KIF13A: variants seen among roughly 807,000 people sequenced by gnomAD.
KIF13A encodes the protein kinesin-like protein KIF13A.
In KIF13A, 79 loss-of-function variants were observed where a neutral mutation model predicts 212.2. The observed-to-expected ratio is 0.37, with a 90% CI of 0.31 to 0.45. The LOEUF is 0.45. Ranked by LOEUF, KIF13A falls within the 20% of genes least tolerant of loss-of-function variation. The pLI, the probability that KIF13A is intolerant of heterozygous loss-of-function variation, is 1.00. For synonymous variants in KIF13A, 789 were observed against 808.6 expected (o/e 0.98, Z 0.41); for missense variants, 1,901 against 2,209.0 (o/e 0.86, Z 2.79).
rs559923230 is a variant in KIF13A at position 17,963,835 on chromosome 6, G to A, written c.146+23219C>T. Among the ~76,000 whole-genome samples the A allele has an allele frequency of 1.1e-4, 16 of 152,302 alleles. No individual in the cohort carries two copies. Among genetic ancestry groups the A allele is most frequent in the African/African-American group, 3.8e-4 (16 of 41,564 alleles). Reference sequence around the variant, plus strand: ...CTCCCAAAGTGTTGGGATTACGGGCGTGAGCCACCATGCCTGGCCAATATG... The same window carrying A: ...CTCCCAAAGTGTTGGGATTACGGGCATGAGCCACCATGCCTGGCCAATATG... On this transcript the variant is annotated intron_variant, in intron 2 of 38. Coordinates refer to ENST00000259711, the MANE Select transcript of KIF13A (RefSeq NM_022113.6). This position sits in a 1 kb window ranked among gnomAD's most constrained non-coding sequence, Gnocchi z 4.1.
chr6:17,782,480 A>G (rs560478907), intron 29 of KIF13A, among the ~76,000 whole-genome samples: 1 of 152,016 alleles, frequency 6.6e-6, no homozygotes, highest in East Asian at 2.0e-4. Context: ...TATTAAAAAT[A>G]CAAAAATTGG....
intron 9 of KIF13A, among the ~76,000 whole-genome samples, chr6:17,841,175 C>G (rs1212039443): frequency 6.6e-6 from 1 of 151,378 alleles, no homozygotes; most frequent in Non-Finnish European, 1.5e-5. Flanking sequence ...CAGGCTCAAG[C>G]GATCCTCTTA....
At chr6:17,881,582 A>C (rs1444327347) in intron 3 of KIF13A, 1 of 377,172 alleles carries the variant, frequency 2.7e-6, no homozygotes, top group Non-Finnish European at 5.2e-6. Context: ...CTGTAATCCC[A>C]GCTACTCGGA....
chr6:17,910,936 T>C (rs890098190), intron 2 of KIF13A, among the ~76,000 whole-genome samples: 2 of 152,214 alleles, frequency 1.3e-5, no homozygotes, highest in African/African-American at 4.8e-5. Context: ...CTAATGTTTT[T>C]GTATTTTTAG....
intron 2 of KIF13A, among the ~76,000 whole-genome samples, chr6:17,910,812 G>C (rs570909850): frequency 6.6e-6 from 1 of 152,336 alleles, no homozygotes; most frequent in South Asian, 2.1e-4. Context: ...GCCCAGGCTG[G>C]AGTGCAGTGG....
intron 2 of KIF13A, among the ~76,000 whole-genome samples, chr6:17,911,697 TAA>T (rs34367781): frequency 7.5e-4 from 101 of 135,146 alleles, no homozygotes; most frequent in East Asian, 4.0e-3. Context: ...GTTAATGGGT[TAA>T]AAAAAAAAAA....
chr6:17,964,686 A>G (rs1241370125), intron 2 of KIF13A, among the ~76,000 whole-genome samples: 1 of 152,160 alleles, frequency 6.6e-6, no homozygotes, highest in Non-Finnish European at 1.5e-5. Flanking sequence ...TTGAAATAAC[A>G]TAGACAATTG....
chr6:17,921,582 T>C (rs1339266132), intron 2 of KIF13A, among the ~76,000 whole-genome samples: 2 of 152,196 alleles, frequency 1.3e-5, no homozygotes, highest in Non-Finnish European at 2.9e-5. Flanking sequence ...TTGGGGTATT[T>C]TAAAATGAGA....
In KIF13A at chr6:17,776,648, A is replaced by G. The variant is rs1760006679; in HGVS notation, c.4170+629T>C. Among the ~76,000 whole-genome samples the G allele has an allele frequency of 6.6e-6, 1 of 152,228 alleles. No homozygotes were observed. The highest frequency in any genetic ancestry group is 1.5e-5 in the Non-Finnish European group (1 of 68,044). On this transcript the variant is annotated intron_variant, in intron 34 of 38. Transcript: ENST00000259711. This position sits in a 1 kb window ranked among gnomAD's most constrained non-coding sequence, Gnocchi z 4.6. ...TGGCAATTCTAGAGAACAGGAAGGCAAATAAGCCTGTGTTTTTCCTTGGAA... is the reference window on the plus strand; with the variant it reads ...TGGCAATTCTAGAGAACAGGAAGGCGAATAAGCCTGTGTTTTTCCTTGGAA...
In KIF13A at chr6:17,825,677, C is replaced by A; in HGVS notation, c.1786+91G>T. ...TTTTATGTGTTTAAAATGTGGAATG[C>A]GGAATGACACCTGATGCATGCTTAT... is the stretch of plus-strand genomic sequence containing the variant. On this transcript the variant is annotated intron_variant, in intron 16 of 38. Transcript: ENST00000259711. This position sits in a 1 kb window ranked among gnomAD's most constrained non-coding sequence, Gnocchi z 4.5. The A allele has an allele frequency of 1.6e-6, 2 of 1,213,312 alleles. No individual in the cohort carries two copies. Among genetic ancestry groups the A allele is most frequent in the South Asian group, 1.5e-5 (1 of 68,218 alleles). The allele number at this position is 1,213,312 out of a possible 1,614,324, so 75.2% of individuals were successfully genotyped here. A position where few individuals can be genotyped will look rare whatever the true frequency, so the allele number is the denominator to read the frequency against.
intron 2 of KIF13A, among the ~76,000 whole-genome samples, chr6:17,985,583 T>TCAAGAA (rs1781474906): frequency 1.5e-5 from 2 of 130,642 alleles, no homozygotes; most frequent in African/African-American, 5.9e-5. Context: ...CAGACTGCTT[T>TCAAGAA]CAAGAATCTG....
At chr6:17,909,325 CAGGAGTTTG>C (rs1188559812) in intron 2 of KIF13A, among the ~76,000 whole-genome samples, 1 of 152,002 alleles carries the variant, frequency 6.6e-6, no homozygotes, top group East Asian at 1.9e-4. Context: ...CAACTGAGGT[CAGGAGTTTG>C]AGACCAGCCT....
chr6:17,987,370 A>T lies in KIF13A; in HGVS notation c.55+39T>A, dbSNP rs1210431615. 7.7e-7 allele frequency: 1 copy of T among 1,306,348 alleles called. No homozygotes were observed. The highest frequency in any genetic ancestry group is 1.6e-5 in the African/African-American group (1 of 63,280). The allele number at this position is 1,306,348 out of a possible 1,614,324, so 80.9% of individuals were successfully genotyped here. On this transcript the variant is annotated intron_variant, in intron 1 of 38. Coordinates refer to ENST00000259711, the MANE Select transcript of KIF13A (RefSeq NM_022113.6). This position sits in a 1 kb window ranked among gnomAD's most constrained non-coding sequence, Gnocchi z 7.7. ...AGTTTCTAAAGTTGCCCCCGCCCTC[A>T]GCCCGAGCAGAAATAAAAAAGAGCG...
intron 2 of KIF13A, among the ~76,000 whole-genome samples, chr6:17,909,177 G>A (rs1396370317): frequency 2.0e-5 from 3 of 152,200 alleles, no homozygotes; most frequent in Non-Finnish European, 4.4e-5. Context: ...TTTCATCTGG[G>A]AAAAGGGTAC....
intron 2 of KIF13A, among the ~76,000 whole-genome samples, chr6:17,976,478 C>G (rs1367164984): frequency 2.6e-5 from 4 of 152,220 alleles, no homozygotes; most frequent in Non-Finnish European, 5.9e-5. Context: ...CTGGCTGCTC[C>G]GAATGCGGGG....
intron 9 of KIF13A, among the ~76,000 whole-genome samples, chr6:17,842,509 C>T (rs1431552726): frequency 6.6e-6 from 1 of 152,140 alleles, no homozygotes; most frequent in African/African-American, 2.4e-5. Context: ...CAGCTGTTTG[C>T]CAATGTTAGT....
chr6:17,819,844 A>G (rs574565181), intron 16 of KIF13A, among the ~76,000 whole-genome samples: 23 of 152,304 alleles, frequency 1.5e-4, no homozygotes, highest in Non-Finnish European at 2.5e-4. Context: ...CATATTTCTC[A>G]AACAGTATAT....
intron 9 of KIF13A, among the ~76,000 whole-genome samples, chr6:17,846,041 CTTTTTTTTTTTT>C (rs34232861): frequency 1.2e-5 from 1 of 83,264 alleles, no homozygotes; most frequent in African/African-American, 5.7e-5. Flanking sequence ...GGAACTCAAC[CTTTTTTTTTTTT>C]TTTTTTTTTT....
In KIF13A at chr6:17,947,061, G is replaced by A. The variant is rs1314444246; in HGVS notation, c.146+39993C>T. 1.3e-5 allele frequency among the ~76,000 whole-genome samples: 2 copies of A among 152,056 alleles called. No homozygotes were observed. Among genetic ancestry groups the A allele is most frequent in the African/African-American group, 2.4e-5 (1 of 41,426 alleles). Reference sequence around the variant, plus strand: ...AACAGATGAGCAAATAAAGTGTGACGAAAAGTTCAAAAAGTAGCATTCCAT... The same window carrying A: ...AACAGATGAGCAAATAAAGTGTGACAAAAAGTTCAAAAAGTAGCATTCCAT... On this transcript the variant is annotated intron_variant, in intron 2 of 38. Transcript: ENST00000259711. The surrounding 1 kb of genome is among the most constrained non-coding windows in gnomAD (Gnocchi z 4.6).
Sources: gnomAD v4.1 joint callset for allele counts (sites outside exome capture counted in the v4.1 genomes callset) on GRCh38, gnomAD v4.1.1 for gene constraint, Gnocchi (gnomAD v3.1) non-coding constraint, MANE v1.5 for transcripts, NCBI Gene and HGNC (gene_info 2026-07-23, HGNC 2026-07-21) for gene names.